The following PDE10A variants were observed in gnomAD, a reference collection of about 807,000 sequenced individuals.
The protein encoded by PDE10A is phosphodiesterase 10A, also known as cAMP and cAMP-inhibited cGMP 3',5'-cyclic phosphodiesterase 10A.
Under a neutral mutation model 97.7 loss-of-function variants are expected in PDE10A, and 39 were observed. The ratio of observed to expected loss-of-function variants is 0.40; its 90% CI spans 0.31 to 0.52. The LOEUF is 0.52. Ranked by LOEUF, PDE10A falls within the 20% of genes least tolerant of loss-of-function variation. The pLI is 0.56. For synonymous variants in PDE10A, 371 were observed against 376.8 expected, an observed-to-expected ratio of 0.98 and a Z score of 0.18; for missense variants, 731 against 1,047.8, an observed-to-expected ratio of 0.70 and a Z score of 4.17.
At chr6:165,463,127 A>T (rs7453600) in intron 3 of PDE10A, among the ~76,000 whole-genome samples, 4,231 of 152,304 alleles carry the variant, frequency 0.028, 194 homozygotes, top group African/African-American at 0.094. Context: ...TCAGTCTGCG[A>T]GCCACAGCCA....
chr6:165,654,037 G>GAT (rs1468583610), intron 1 of PDE10A, among the ~76,000 whole-genome samples: 1 of 152,086 alleles, frequency 6.6e-6, no homozygotes, highest in Non-Finnish European at 1.5e-5. Context: ...CCACCCTCAA[G>GAT]ATACCACCCC....
At chr6:165,573,450 C>A (rs777906401) in intron 1 of PDE10A, among the ~76,000 whole-genome samples, 2 of 151,874 alleles carry the variant, frequency 1.3e-5, no homozygotes, top group Non-Finnish European at 2.9e-5. Flanking sequence ...CTGAAATGAC[C>A]CTAGTCTACA....
At chr6:165,559,822 T>A (rs544226030) in intron 1 of PDE10A, among the ~76,000 whole-genome samples, 15 of 152,272 alleles carry the variant, frequency 9.9e-5, no homozygotes, top group African/African-American at 3.6e-4. Flanking sequence ...CAAGATGTGA[T>A]GGTTTTATAA....
At chr6:165,966,511 G>A (rs79027746) in intron 1 of PDE10A, among the ~76,000 whole-genome samples, 3,847 of 152,284 alleles carry the variant, frequency 0.025, 94 homozygotes, top group Non-Finnish European at 0.035. Flanking sequence ...AGCCCAGCTC[G>A]TGGAAGATGC....
chr6:165,694,255 A>T (rs1791385025), intron 1 of PDE10A, among the ~76,000 whole-genome samples: 1 of 152,190 alleles, frequency 6.6e-6, no homozygotes, highest in Non-Finnish European at 1.5e-5. Context: ...CATCACCCTC[A>T]GCCTTATAAT....
At chr6:165,615,220 A>AAAAGAAAG (rs1554296011) in intron 1 of PDE10A, among the ~76,000 whole-genome samples, 3 of 148,440 alleles carry the variant, frequency 2.0e-5, no homozygotes, top group African/African-American at 7.4e-5. Flanking sequence ...AGAAAAAAAA[A>AAAAGAAAG]AAAGAAAGAA....
chr6:165,493,930 A>G (rs978719457), intron 2 of PDE10A, among the ~76,000 whole-genome samples: 1 of 152,108 alleles, frequency 6.6e-6, no homozygotes, highest in African/African-American at 2.4e-5. Flanking sequence ...TATCTGAGAA[A>G]GGACTAATAT....
At chr6:165,528,699 C>T (rs1212296683) in intron 2 of PDE10A, among the ~76,000 whole-genome samples, 1 of 152,200 alleles carries the variant, frequency 6.6e-6, no homozygotes, top group Non-Finnish European at 1.5e-5. Flanking sequence ...CTGACCCAGG[C>T]ACTCACTTTA....
chr6:165,796,998 C>T (rs980915465), intron 1 of PDE10A, among the ~76,000 whole-genome samples: 6 of 152,210 alleles, frequency 3.9e-5, no homozygotes, highest in Non-Finnish European at 8.8e-5. Context: ...TAACCCTATA[C>T]TTGATCCACA....
At position 165,433,948 on chromosome 6, in the gene PDE10A, C is replaced by T. The variant is rs145788657; in HGVS notation, c.1336-819G>A. Among the ~76,000 whole-genome samples the T allele has an allele frequency of 5.1e-3, 676 of 133,802 alleles. 19 individuals are homozygous for T. Among genetic ancestry groups the T allele is most frequent in the Admixed American group, 0.042 (501 of 11,908 alleles). 87.8% of individuals were successfully genotyped at this position (133,802 alleles called of 152,430 possible). ...AGGAGAATGGCGTGAACCCGGGAGG[C>T]GGAGCTTGCAGTGAGCCGAGATCAA... On this transcript the variant is annotated intron_variant, in intron 6 of 21. Coordinates refer to ENST00000539869, the MANE Select transcript of PDE10A (RefSeq NM_001385079.1).
At chr6:165,756,337 T>A (rs928658847) in intron 1 of PDE10A, among the ~76,000 whole-genome samples, 4 of 152,180 alleles carry the variant, frequency 2.6e-5, no homozygotes, top group East Asian at 1.9e-4. Flanking sequence ...AAAAATTTTT[T>A]AAAAATTATA....
intron 21 of PDE10A, among the ~76,000 whole-genome samples, chr6:165,334,564 T>A (rs1359252128): frequency 6.6e-6 from 1 of 152,256 alleles, no homozygotes; most frequent in African/African-American, 2.4e-5. Flanking sequence ...AAAGGACTTT[T>A]GAAGATATTG....
chr6:165,763,167 C>T (rs1048267020), intron 1 of PDE10A, among the ~76,000 whole-genome samples: 7 of 152,124 alleles, frequency 4.6e-5, no homozygotes, highest in Admixed American at 6.5e-5. Context: ...TCTGTGTCTG[C>T]GTGTGTATGG....
In PDE10A at chr6:165,465,018, C is replaced by T. The variant is rs539049959; in HGVS notation, c.1024-14656G>A. The stretch of plus-strand genomic sequence containing the variant: ...AACACAGGTTTTCAATTACCTTTAG[C>T]AAATTCAGAGTAAAATTCCTGGATT... On this transcript the variant is annotated intron_variant, in intron 3 of 21. Coordinates refer to ENST00000539869, the MANE Select transcript of PDE10A (RefSeq NM_001385079.1). 7.9e-5 allele frequency among the ~76,000 whole-genome samples: 12 copies of T among 152,310 alleles called. 1 individual carries two copies. In the South Asian group the frequency reaches 2.1e-3, roughly 26 times the overall value.
At chr6:165,691,095 CTCTTTCTCTCT>C (rs1241609948) in intron 1 of PDE10A, among the ~76,000 whole-genome samples, 6 of 47,522 alleles carry the variant, frequency 1.3e-4, no homozygotes, top group Admixed American at 4.5e-4. Flanking sequence ...CTCTCTCTCT[CTCTTTCTCTCT>C]CCCCCCCCCC....
chr6:165,491,066 T>A (rs558537693), intron 2 of PDE10A, among the ~76,000 whole-genome samples: 1 of 152,328 alleles, frequency 6.6e-6, no homozygotes, highest in South Asian at 2.1e-4. Context: ...AAAGATATTA[T>A]GTGCAAATGG....
intron 1 of PDE10A, among the ~76,000 whole-genome samples, chr6:165,813,093 T>C (rs1397142496): frequency 6.6e-6 from 1 of 152,198 alleles, no homozygotes; most frequent in Non-Finnish European, 1.5e-5. Flanking sequence ...CTATACACGC[T>C]TGTCCTTTGC....
At chr6:165,465,667 G>A (rs543645554) in intron 3 of PDE10A, among the ~76,000 whole-genome samples, 1 of 152,306 alleles carries the variant, frequency 6.6e-6, no homozygotes, top group Non-Finnish European at 1.5e-5. Context: ...AGCGGCAGGA[G>A]AGAGAATGAG....
At chr6:165,396,941 A>G (rs183073782) in intron 13 of PDE10A, among the ~76,000 whole-genome samples, 1 of 152,250 alleles carries the variant, frequency 6.6e-6, no homozygotes, top group African/African-American at 2.4e-5. Context: ...TCTGGTTTTT[A>G]GTCTTGACTG....
Sources: gnomAD v4.1 joint callset for allele counts (sites outside exome capture counted in the v4.1 genomes callset) on GRCh38, gnomAD v4.1.1 for gene constraint, MANE v1.5 for transcripts, NCBI Gene and HGNC (gene_info 2026-07-23, HGNC 2026-07-21) for gene names.